CAGE1: variants seen among roughly 807,000 people sequenced by gnomAD.
CAGE1 encodes cancer antigen 1, also known as cancer-associated gene 1 protein.
In CAGE1, 66 loss-of-function variants were observed where a neutral mutation model predicts 94.9. That is an observed-to-expected ratio of 0.70 (90% confidence interval 0.57 to 0.85). The LOEUF is 0.85. CAGE1 is among the 40% of genes least tolerant of loss of function. The pLI, the probability that CAGE1 is intolerant of heterozygous loss-of-function variation, is 0.00. For synonymous variants in CAGE1, 319 were observed against 321.0 expected, an observed-to-expected ratio of 0.99 and a Z score of 0.07; for missense variants, 865 against 950.4, an observed-to-expected ratio of 0.91 and a Z score of 1.18.
chr6:7,365,212 T>G (rs562754700), intron 9 of CAGE1, among the ~76,000 whole-genome samples: 1 of 152,344 alleles, frequency 6.6e-6, no homozygotes, highest in East Asian at 1.9e-4. Flanking sequence ...AAACAGCACT[T>G]TTAAAATTTC....
At chr6:7,357,566 T>G (rs1002757286) in intron 9 of CAGE1, among the ~76,000 whole-genome samples, 1 of 152,172 alleles carries the variant, frequency 6.6e-6, no homozygotes, top group Non-Finnish European at 1.5e-5. Context: ...AACCTCAGAT[T>G]AAATAAAGAA....
At chr6:7,361,399 T>TA (rs1166542462) in intron 9 of CAGE1, among the ~76,000 whole-genome samples, 1 of 152,216 alleles carries the variant, frequency 6.6e-6, no homozygotes, top group Non-Finnish European at 1.5e-5. Flanking sequence ...GACTCTTTAT[T>TA]AAGTGGTAAA....
intron 11 of CAGE1, among the ~76,000 whole-genome samples, chr6:7,335,978 T>C (rs1028897086): frequency 6.6e-6 from 1 of 152,252 alleles, no homozygotes; most frequent in African/African-American, 2.4e-5. Context: ...TTAAATATTA[T>C]ATGGACAAAA....
At chr6:7,346,245 T>G (rs981904538) in intron 11 of CAGE1, among the ~76,000 whole-genome samples, 10 of 152,320 alleles carry the variant, frequency 6.6e-5, no homozygotes, top group African/African-American at 2.4e-4. Context: ...TATAACAGAC[T>G]AGATTTGATT....
intron 3 of CAGE1, among the ~76,000 whole-genome samples, chr6:7,382,309 T>C (rs985876369): frequency 1.3e-5 from 2 of 151,298 alleles, no homozygotes; most frequent in Admixed American, 6.6e-5. Context: ...GCATTTCTCC[T>C]GTCTTTTTTT....
At chr6:7,349,691 T>C (rs1759693787) in intron 11 of CAGE1, among the ~76,000 whole-genome samples, 1 of 151,966 alleles carries the variant, frequency 6.6e-6, no homozygotes, top group Non-Finnish European at 1.5e-5. Context: ...CCAGCACTTT[T>C]GGAGGCCAAG....
At chr6:7,345,062 G>C (rs890679538) in intron 11 of CAGE1, among the ~76,000 whole-genome samples, 1 of 151,940 alleles carries the variant, frequency 6.6e-6, no homozygotes, top group Non-Finnish European at 1.5e-5. Context: ...GATGGCTGGT[G>C]TTGAAAGCTT....
At chr6:7,369,255 G>T (rs553428793) in intron 6 of CAGE1, among the ~76,000 whole-genome samples, 2 of 152,058 alleles carry the variant, frequency 1.3e-5, no homozygotes, top group South Asian at 2.1e-4. Flanking sequence ...TGATCTGCCC[G>T]CCTCGGCCTC....
chr6:7,345,224 A>T (rs1472324980), intron 11 of CAGE1, among the ~76,000 whole-genome samples: 1 of 149,184 alleles, frequency 6.7e-6, no homozygotes, highest in African/African-American at 2.6e-5. Flanking sequence ...AGTATAAGCT[A>T]CCAGCCTACC....
chr6:7,343,937 G>A (rs1328527966), intron 11 of CAGE1, among the ~76,000 whole-genome samples: 1 of 152,220 alleles, frequency 6.6e-6, no homozygotes. Context: ...GAAGAAATGG[G>A]ATAGATTCAT....
intron 12 of CAGE1, among the ~76,000 whole-genome samples, chr6:7,330,820 G>C (rs1561844978): frequency 6.6e-6 from 1 of 152,214 alleles, no homozygotes; most frequent in African/African-American, 2.4e-5. Flanking sequence ...TTCTAGGCCA[G>C]TCTAAATCTA....
At chr6:7,379,058 G>C in intron 3 of CAGE1, 38 bp from the exon 4 acceptor site, 1 of 1,324,926 alleles carries the variant, frequency 7.5e-7, no homozygotes, top group Non-Finnish European at 1.0e-6. Context: ...AAAACGAGTA[G>C]ACCATGAACT....
chr6:7,342,441 C>G (rs1581662855), intron 11 of CAGE1, among the ~76,000 whole-genome samples: 1 of 152,214 alleles, frequency 6.6e-6, no homozygotes, highest in Non-Finnish European at 1.5e-5. Context: ...TATAGATGCT[C>G]TGGTCTCTGA....
At chr6:7,349,909 C>T (rs1367546749) in intron 11 of CAGE1, among the ~76,000 whole-genome samples, 1 of 137,292 alleles carries the variant, frequency 7.3e-6, no homozygotes, top group East Asian at 2.1e-4. Flanking sequence ...CCAGCCTGGG[C>T]GACAAGAGTG....
At chr6:7,352,300 AAAAAACAAAAAAAAAC>A (rs1251575790) in intron 11 of CAGE1, among the ~76,000 whole-genome samples, 60 of 115,920 alleles carry the variant, frequency 5.2e-4, no homozygotes, top group African/African-American at 2.1e-3. Context: ...CAAAAAAAAA[AAAAAACAAAAAAAAAC>A]AAAAAAAAAA....
chr6:7,359,290 A>G (rs770114341), intron 9 of CAGE1, among the ~76,000 whole-genome samples: 17 of 152,098 alleles, frequency 1.1e-4, no homozygotes, highest in Non-Finnish European at 1.9e-4. Context: ...GAGGTGATCC[A>G]CCCACCTCGG....
In CAGE1 at chr6:7,360,234, G is replaced by A. The variant is rs141201042; in HGVS notation, c.2194-4105C>T. Among the ~76,000 whole-genome samples the A allele has an allele frequency of 7.2e-5, 11 of 152,292 alleles. No individual in the cohort carries two copies. In the East Asian group the frequency reaches 2.1e-3, roughly 29 times the overall value. Reference sequence around the variant, plus strand: ...CCCTTGATTTAATCACATCTGCAAAGTCCATTCTGCCATGTTCTGGGGACT... The same window carrying A: ...CCCTTGATTTAATCACATCTGCAAAATCCATTCTGCCATGTTCTGGGGACT... On this transcript the variant is annotated intron_variant, in intron 9 of 13. Coordinates refer to ENST00000502583, the MANE Select transcript of CAGE1 (RefSeq NM_001170692.2).
At chr6:7,352,290 C>CAAAAAAAAAAAAAAAAAAAAAAA (rs77426667) in intron 11 of CAGE1, among the ~76,000 whole-genome samples, 16 of 43,572 alleles carry the variant, frequency 3.7e-4, no homozygotes, top group Admixed American at 8.9e-4. Flanking sequence ...ACAATAGCTG[C>CAAAAAAAAAAAAAAAAAAAAAAA]AAAAAAAAAA....
At chr6:7,335,017 A>G (rs1314599459) in intron 11 of CAGE1, among the ~76,000 whole-genome samples, 1 of 152,208 alleles carries the variant, frequency 6.6e-6, no homozygotes, top group Non-Finnish European at 1.5e-5. Context: ...GAAGCTCGAG[A>G]GGAGAATCCT....
Sources: allele counts gnomAD v4.1 joint callset (sites outside exome capture counted in the v4.1 genomes callset), GRCh38; gene constraint gnomAD v4.1.1; transcripts MANE v1.5; gene names NCBI Gene and HGNC (gene_info 2026-07-23, HGNC 2026-07-21).